RPS6KA3: variants seen among roughly 807,000 people sequenced by gnomAD.
RPS6KA3 encodes ribosomal protein S6 kinase A3.
A neutral mutation model predicts 67.2 loss-of-function variants in RPS6KA3; 4 were observed. The ratio of observed to expected loss-of-function variants is 0.06; its 90% confidence interval spans 0.03 to 0.14. The LOEUF (loss-of-function observed/expected upper bound fraction) is 0.14, where lower values mean the gene tolerates loss of function less well. RPS6KA3 is among the 10% of genes least tolerant of loss of function. The pLI, the probability that RPS6KA3 is intolerant of heterozygous loss-of-function variation, is 1.00. For synonymous variants in RPS6KA3, 182 were observed against 183.7 expected (o/e 0.99, Z 0.07); for missense variants, 204 against 559.0 (o/e 0.36, Z 6.40).
intron 2 of RPS6KA3, among the ~76,000 whole-genome samples, chrX:20,232,873 G>A (rs1210839346): frequency 8.9e-6 from 1 of 112,152 alleles, no homozygotes; most frequent in Non-Finnish European, 1.9e-5. Flanking sequence ...GGTGGCTCAC[G>A]CCTGTAATCC....
rs201926730 is a variant in RPS6KA3, at chrX:20,209,619, C to CAGAG, written c.127-219_127-216dup. ...ACACATATACTTTCAGGTTAAATGT[C>CAGAG]AGAGACAGTTATTATACCAGCCTAC... On this transcript the variant is annotated intron_variant, in intron 2 of 21. Coordinates refer to ENST00000379565, the MANE Select transcript of RPS6KA3 (RefSeq NM_004586.3). Among the ~76,000 whole-genome samples the CAGAG allele has an allele frequency of 3.6e-5, 4 of 111,204 alleles. No homozygotes were observed. The East Asian group carries it at 1.1e-3, about 31-fold the overall frequency.
chrX:20,266,818 G>GACCGCCC lies in RPS6KA3; in HGVS notation c.-193_-187dup. 1 of 356,615 alleles carries GACCGCCC rather than the reference G, an allele frequency of 2.8e-6. No individual in the cohort carries two copies. The highest frequency in any genetic ancestry group is 3.6e-6 in the Non-Finnish European group (1 of 275,993). The allele number at this position is 356,615 out of a possible 1,213,427, so 29.4% of individuals were successfully genotyped here. On this transcript the variant is annotated 5_prime_UTR_variant, in exon 1 of 22. Transcript: ENST00000379565. Reference sequence around the variant, plus strand: ...CCAGAGAGGGCTCGACGCCGACGCCGACCGCCCGAAAGCCGCGCGCCTGGC... The same window carrying GACCGCCC: ...CCAGAGAGGGCTCGACGCCGACGCCGACCGCCCACCGCCCGAAAGCCGCGCGCCTGGC...
intron 18 of RPS6KA3, among the ~76,000 whole-genome samples, chrX:20,163,414 A>T (rs769610116): frequency 2.5e-4 from 28 of 111,407 alleles, no homozygotes; most frequent in Non-Finnish European, 4.0e-4. Context: ...CCTAGCACAA[A>T]AATCACCAAC....
rs1243028510 is a variant in RPS6KA3, at chrX:20,249,047, CATTTT to C, written c.70-14238_70-14234del. Reference sequence around the variant, plus strand: ...CTCTTCTCCATTGCGATAATTCTGTCATTTTAAGAATGTCATATAAATCATATAGC... The same window carrying C: ...CTCTTCTCCATTGCGATAATTCTGTCAAGAATGTCATATAAATCATATAGC... On this transcript the variant is annotated intron_variant, in intron 1 of 21. Transcript: ENST00000379565. 4.5e-5 allele frequency among the ~76,000 whole-genome samples: 5 copies of C among 112,245 alleles called. No homozygotes were observed. The East Asian group carries it at 1.4e-3, about 31-fold the overall frequency.
intron 16 of RPS6KA3, among the ~76,000 whole-genome samples, chrX:20,168,205 G>A (rs967749198): frequency 4.5e-5 from 5 of 111,974 alleles, no homozygotes; most frequent in African/African-American, 1.6e-4. Context: ...AAAGTCAAGA[G>A]AGACATAGGC....
intron 1 of RPS6KA3, among the ~76,000 whole-genome samples, chrX:20,242,177 G>A (rs2069568417): frequency 1.8e-5 from 2 of 111,830 alleles, no homozygotes; most frequent in African/African-American, 6.5e-5. Context: ...GTAACATCAG[G>A]TTAAATTAAT....
Position 20,264,208 on chromosome X carries a change from G to C in RPS6KA3, c.69+2356C>G, listed in dbSNP as rs778214911. 7.1e-5 allele frequency among the ~76,000 whole-genome samples: 8 copies of C among 112,121 alleles called. No homozygotes were observed. In the South Asian group the frequency reaches 2.6e-3, roughly 36 times the overall value. ...ATTTTAATAAATCTTGGCAACACTG[G>C]CTCTGTTTGACATACTTTATGCCAG... On this transcript the variant is annotated intron_variant, in intron 1 of 21. Coordinates refer to ENST00000379565, the MANE Select transcript of RPS6KA3 (RefSeq NM_004586.3).
At chrX:20,212,269 G>T (rs181103197) in intron 2 of RPS6KA3, among the ~76,000 whole-genome samples, 1,203 of 111,628 alleles carry the variant, frequency 0.011, 6 homozygotes, top group Middle Eastern at 0.018. Context: ...AGGCTGAGGT[G>T]GGTGGATCAC....
chrX:20,222,792 A>G (rs1003324516), intron 2 of RPS6KA3, among the ~76,000 whole-genome samples: 1 of 111,971 alleles, frequency 8.9e-6, no homozygotes, highest in Non-Finnish European at 1.9e-5. Flanking sequence ...AACAGAAAGC[A>G]GACTAATTTA....
At chrX:20,227,001 T>C (rs1326488131) in intron 2 of RPS6KA3, among the ~76,000 whole-genome samples, 2 of 112,133 alleles carry the variant, frequency 1.8e-5, no homozygotes, top group Non-Finnish European at 3.8e-5. Flanking sequence ...TTGTTTTTCC[T>C]TAAGTTTACA....
Position 20,209,279 on chromosome X carries a change from A to G in RPS6KA3, c.243+9T>C. 1 of 1,016,549 alleles carries G rather than the reference A, an allele frequency of 9.8e-7. No homozygotes were observed. Among genetic ancestry groups the G allele is most frequent in the African/African-American group, 1.9e-5 (1 of 53,960 alleles). The allele number at this position is 1,016,549 out of a possible 1,213,427, so 83.8% of individuals were successfully genotyped here. A position where few individuals can be genotyped will look rare whatever the true frequency, so the allele number is the denominator to read the frequency against. On this transcript the variant is annotated intron_variant, in intron 3 of 21. Coordinates refer to ENST00000379565, the MANE Select transcript of RPS6KA3 (RefSeq NM_004586.3). ...ACAACTCTTAAAAAAGCACACACTC[A>G]TGACTTACCTTTCCAAATGATCCCT...
intron 7 of RPS6KA3, among the ~76,000 whole-genome samples, chrX:20,192,984 A>C (rs769499678): frequency 8.9e-6 from 1 of 112,449 alleles, no homozygotes; most frequent in African/African-American, 3.2e-5. Context: ...CTCATTAAAA[A>C]ATCAAAGAAT....
chrX:20,177,759 A>G (rs1231696895), intron 10 of RPS6KA3, among the ~76,000 whole-genome samples: 1 of 112,086 alleles, frequency 8.9e-6, no homozygotes, highest in African/African-American at 3.2e-5. Context: ...AGGGAATTTA[A>G]GAAACCTAAC....
intron 1 of RPS6KA3, among the ~76,000 whole-genome samples, chrX:20,235,128 TCATTACAA>T (rs1256233959): frequency 1.8e-5 from 2 of 111,618 alleles, no homozygotes; most frequent in East Asian, 5.6e-4. Context: ...TCACCAAACA[TCATTACAA>T]CAGTGTATGG....
At chrX:20,205,532 C>G (rs2068553466) in intron 3 of RPS6KA3, among the ~76,000 whole-genome samples, 1 of 112,152 alleles carries the variant, frequency 8.9e-6, no homozygotes, top group South Asian at 3.7e-4. Flanking sequence ...CGCGGAGAAA[C>G]CCTGATACAG....
chrX:20,161,622 T>G (rs2067305885), intron 20 of RPS6KA3, 22 bp downstream of exon 20: 1 of 847,608 alleles, frequency 1.2e-6, no homozygotes, highest in African/African-American at 2.0e-5. Flanking sequence ...CTCAAAATCT[T>G]ATAATAGGAA....
Position 20,150,117 on chromosome X carries a change from A to G in RPS6KA3, c.*5281T>C, listed in dbSNP as rs1481139379. 8.8e-6 allele frequency: 1 copy of G among 113,243 alleles called. No individual in the cohort carries two copies. Among genetic ancestry groups the G allele is most frequent in the Non-Finnish European group, 1.9e-5 (1 of 53,346 alleles). 9.3% of individuals were successfully genotyped at this position (113,243 alleles called of 1,213,427 possible). A position where few individuals can be genotyped will look rare whatever the true frequency, so the allele number is the denominator to read the frequency against. ...AATTTAAAGTATTTAGTGATATTTG[A>G]TCCTTTACAAGCATTTTATAATTAT... On this transcript the variant is annotated 3_prime_UTR_variant, in exon 22 of 22. Transcript: ENST00000379565.
intron 2 of RPS6KA3, among the ~76,000 whole-genome samples, chrX:20,212,114 G>A (rs746741997): frequency 9.0e-6 from 1 of 111,513 alleles, no homozygotes; most frequent in African/African-American, 3.3e-5. Context: ...GCTACAATCA[G>A]GCCATGAATT....
intron 1 of RPS6KA3, among the ~76,000 whole-genome samples, chrX:20,250,620 G>T (rs1484047030): frequency 8.9e-6 from 1 of 112,000 alleles, no homozygotes; most frequent in African/African-American, 3.2e-5. Context: ...GAAAAAATAC[G>T]TTTTCTCCAT....
Sources: allele counts gnomAD v4.1 joint callset (sites outside exome capture counted in the v4.1 genomes callset), GRCh38; gene constraint gnomAD v4.1.1; transcripts MANE v1.5; gene names NCBI Gene and HGNC (gene_info 2026-07-23, HGNC 2026-07-21).